Variants in IMMP2L observed in about 807,000 individuals in gnomAD.
The protein encoded by IMMP2L is inner mitochondrial membrane peptidase subunit 2.
IMMP2L carries 18 observed loss-of-function variants against 19.3 expected under a neutral mutation model. The observed-to-expected ratio is 0.93, with a 90% CI of 0.64 to 1.38. The LOEUF is 1.38. Ranked by LOEUF, IMMP2L falls within the 40% of genes most tolerant of loss-of-function variation. The probability of loss-of-function intolerance (pLI) is 0.00; values close to 1 mark genes in which losing one functional copy is unlikely to be tolerated. For synonymous variants in IMMP2L, 76 were observed against 73.0 expected, an observed-to-expected ratio of 1.04 and a Z score of -0.21; for missense variants, 233 against 218.2, an observed-to-expected ratio of 1.07 and a Z score of -0.43.
intron 3 of IMMP2L, among the ~76,000 whole-genome samples, chr7:111,081,320 AAG>A (rs1474982545): frequency 6.6e-6 from 1 of 152,222 alleles, no homozygotes; most frequent in Non-Finnish European, 1.5e-5. Flanking sequence ...AAACAAACAA[AAG>A]ACTTTCTTCT....
intron 4 of IMMP2L, among the ~76,000 whole-genome samples, chr7:110,898,413 G>A (rs1811537880): frequency 6.6e-6 from 1 of 152,070 alleles, no homozygotes; most frequent in South Asian, 2.1e-4. Flanking sequence ...CCGTTGCTAA[G>A]GGCCCTCAAC....
chr7:111,290,637 C>A (rs1563017990), intron 3 of IMMP2L, among the ~76,000 whole-genome samples: 1 of 151,944 alleles, frequency 6.6e-6, no homozygotes, highest in Non-Finnish European at 1.5e-5. Flanking sequence ...GAAGCAGAAG[C>A]CCAAAATAGG....
chr7:111,228,085 C>T (rs979463375), intron 3 of IMMP2L, among the ~76,000 whole-genome samples: 1 of 152,074 alleles, frequency 6.6e-6, no homozygotes, highest in South Asian at 2.1e-4. Flanking sequence ...TTCAGATGGG[C>T]CAACCAAGAA....
At chr7:111,193,389 G>A (rs1208423661) in intron 3 of IMMP2L, among the ~76,000 whole-genome samples, 1 of 152,072 alleles carries the variant, frequency 6.6e-6, no homozygotes. Context: ...AATCTTAAAG[G>A]CGCAATAAAA....
chr7:111,075,935 T>C (rs984772326), intron 3 of IMMP2L, among the ~76,000 whole-genome samples: 2 of 152,216 alleles, frequency 1.3e-5, no homozygotes, highest in Non-Finnish European at 2.9e-5. Flanking sequence ...TTACAGCCAA[T>C]TTAATTGTTC....
At chr7:111,219,819 G>A (rs981030926) in intron 3 of IMMP2L, among the ~76,000 whole-genome samples, 2 of 151,858 alleles carry the variant, frequency 1.3e-5, no homozygotes, top group Non-Finnish European at 2.9e-5. Context: ...TGTTTAATCT[G>A]AAAAGCTTTT....
At chr7:111,436,115 C>T (rs568081548) in intron 3 of IMMP2L, among the ~76,000 whole-genome samples, 7 of 151,722 alleles carry the variant, frequency 4.6e-5, no homozygotes, top group African/African-American at 1.7e-4. Context: ...AAAGAGACAA[C>T]AGAGTTTATT....
chr7:111,394,087 A>G (rs915552218), intron 3 of IMMP2L, among the ~76,000 whole-genome samples: 1 of 152,190 alleles, frequency 6.6e-6, no homozygotes, highest in Non-Finnish European at 1.5e-5. Flanking sequence ...TTTTTAAAAT[A>G]TTTTATCATC....
At chr7:110,930,089 C>A (rs895530919) in intron 4 of IMMP2L, among the ~76,000 whole-genome samples, 7 of 152,154 alleles carry the variant, frequency 4.6e-5, no homozygotes, top group African/African-American at 1.7e-4. Flanking sequence ...TAAGACTGAG[C>A]AGCGTAAATC....
At chr7:111,490,838 T>C (rs1843037505) in intron 2 of IMMP2L, among the ~76,000 whole-genome samples, 1 of 152,188 alleles carries the variant, frequency 6.6e-6, no homozygotes, top group Admixed American at 6.5e-5. Context: ...CCAGACATGT[T>C]AAGTGCTTAC....
At position 111,291,858 on chromosome 7, in the gene IMMP2L, C is replaced by T. The variant is rs148038643; in HGVS notation, c.239+195380G>A. ...ACATGTATCAAAACATAATATTGTA[C>T]CCATAAATATGTACAGTTATCTGTC... On this transcript the variant is annotated intron_variant, in intron 3 of 5. Coordinates refer to ENST00000405709, the MANE Select transcript of IMMP2L (RefSeq NM_032549.4). 4.2e-3 allele frequency among the ~76,000 whole-genome samples: 637 copies of T among 152,018 alleles called. 1 individual carries two copies. Among genetic ancestry groups the T allele is most frequent in the Non-Finnish European group, 6.2e-3 (418 of 67,952 alleles).
chr7:111,038,930 G>A (rs1791613137), intron 3 of IMMP2L, among the ~76,000 whole-genome samples: 1 of 152,152 alleles, frequency 6.6e-6, no homozygotes, highest in East Asian at 1.9e-4. Flanking sequence ...GTTTCTACTT[G>A]TGGCCTAATA....
chr7:111,363,347 G>A (rs957324153), intron 3 of IMMP2L, among the ~76,000 whole-genome samples: 22 of 152,048 alleles, frequency 1.4e-4, no homozygotes, highest in African/African-American at 4.8e-4. Context: ...AAATCTCCAA[G>A]TGATCCCTAT....
intron 4 of IMMP2L, among the ~76,000 whole-genome samples, chr7:110,912,756 C>T (rs1016907037): frequency 3.3e-5 from 5 of 151,960 alleles, no homozygotes; most frequent in African/African-American, 1.2e-4. Flanking sequence ...AAAGTAGTTG[C>T]TACTTGCTCC....
At chr7:110,669,967 C>G (rs1791779120) in intron 5 of IMMP2L, among the ~76,000 whole-genome samples, 2 of 152,290 alleles carry the variant, frequency 1.3e-5, no homozygotes, top group South Asian at 4.1e-4. Flanking sequence ...AAAAAATAGA[C>G]TCATCAATAA....
At chr7:111,466,361 T>G (rs1333852573) in intron 3 of IMMP2L, among the ~76,000 whole-genome samples, 4 of 152,010 alleles carry the variant, frequency 2.6e-5, no homozygotes. Context: ...ATTATCAAAT[T>G]TAGTCGCTTT....
chr7:111,333,413 G>A (rs528029082), intron 3 of IMMP2L, among the ~76,000 whole-genome samples: 4 of 152,088 alleles, frequency 2.6e-5, no homozygotes, highest in African/African-American at 7.2e-5. Context: ...CTGGTTGTAC[G>A]AAGGATAGTT....
chr7:111,070,249 C>T (rs1247336908), intron 3 of IMMP2L, among the ~76,000 whole-genome samples: 1 of 152,114 alleles, frequency 6.6e-6, no homozygotes, highest in African/African-American at 2.4e-5. Flanking sequence ...CAAAGGGTTG[C>T]AGGCTTCACC....
intron 2 of IMMP2L, among the ~76,000 whole-genome samples, chr7:111,512,459 A>AT (rs1360357979): frequency 7.0e-6 from 1 of 143,398 alleles, no homozygotes; most frequent in Admixed American, 6.8e-5. Flanking sequence ...GCATGACTCC[A>AT]TAAGTTTACT....
Sources: allele counts gnomAD v4.1 joint callset (sites outside exome capture counted in the v4.1 genomes callset), GRCh38; gene constraint gnomAD v4.1.1; transcripts MANE v1.5; gene names NCBI Gene and HGNC (gene_info 2026-07-23, HGNC 2026-07-21).